Variants in HPSE observed in about 807,000 individuals in gnomAD.
HPSE encodes heparanase.
HPSE carries 48 observed loss-of-function variants against 65.1 expected under a neutral mutation model. The observed-to-expected ratio is 0.74, with a 90% CI of 0.58 to 0.94. The LOEUF (loss-of-function observed/expected upper bound fraction) is 0.94, where lower values mean the gene tolerates loss of function less well. HPSE is among the 40% of genes least tolerant of loss of function. The pLI is 0.00. For missense variants in HPSE, 644 were observed against 637.5 expected (o/e 1.01, Z -0.11); for synonymous variants, 243 against 260.0 (o/e 0.93, Z 0.63).
At position 83,295,250 on chromosome 4, in the gene HPSE, C is replaced by A; in HGVS notation, c.*94G>T. 1 of 1,093,374 alleles carries A rather than the reference C, an allele frequency of 9.1e-7. No homozygotes were observed. The allele number at this position is 1,093,374 out of a possible 1,614,324, so 67.7% of individuals were successfully genotyped here. A position where few individuals can be genotyped will look rare whatever the true frequency, so the allele number is the denominator to read the frequency against. On this transcript the variant is annotated 3_prime_UTR_variant, in exon 12 of 12. Transcript: ENST00000311412. ...GTGTCTCTCAAGCACCCACTAGTTG[C>A]TTTGCAAGGTATCTGCTTCCTTTCC...
intron 3 of HPSE, among the ~76,000 whole-genome samples, chr4:83,316,645 A>G (rs1341472862): frequency 6.6e-6 from 1 of 152,200 alleles, no homozygotes; most frequent in East Asian, 1.9e-4. Flanking sequence ...AAGTACAAAG[A>G]GTTAGCTCAC....
intron 11 of HPSE, among the ~76,000 whole-genome samples, chr4:83,296,139 A>T (rs188773975): frequency 2.4e-4 from 37 of 152,336 alleles, no homozygotes; most frequent in East Asian, 9.6e-4. Flanking sequence ...TCAAATTAAA[A>T]ACTGTTGAAC....
rs766999252 is a variant in HPSE at position 83,309,417 on chromosome 4, C to T, written c.969G>A (p.Val323=). The T allele has an allele frequency of 1.3e-6, 2 of 1,576,578 alleles. No individual in the cohort carries two copies. The highest frequency in any genetic ancestry group is 4.5e-5 in the East Asian group (2 of 44,346). ...AGACTATTACCTGGAAAACTTTTTGCACAGATGAAATAAAAATGTCCAATA... is the reference window on the plus strand; with the variant it reads ...AGACTATTACCTGGAAAACTTTTTGTACAGATGAAATAAAAATGTCCAATA... ...PDVLDIFISS[V]QKVFQVVEST... The change falls in exon 7 of 12, where the codon GTG becomes GTA. Residue 323 remains valine, a synonymous_variant. Transcript: ENST00000311412.
intron 4 of HPSE, 93 bp downstream of exon 4, chr4:83,313,021 C>CAA (rs370866017): frequency 0.014 from 8,916 of 639,200 alleles, 4 homozygotes; most frequent in South Asian, 0.017. Context: ...GACTCTGTCT[C>CAA]AAAAAAAAAA....
At chr4:83,300,889 C>T (rs1578004358) in intron 11 of HPSE, 71 bp downstream of exon 11, 2 of 991,754 alleles carry the variant, frequency 2.0e-6, no homozygotes, top group East Asian at 5.2e-5. Context: ...TGCTCCCTGT[C>T]CAAACTCTCT....
chr4:83,302,375 G>T, intron 9 of HPSE, 107 bp from the exon 10 acceptor site: 13 of 669,748 alleles, frequency 1.9e-5, no homozygotes, highest in African/African-American at 3.7e-5. Flanking sequence ...GAGTATCACT[G>T]TTATCCTGGG....
chr4:83,295,297 C>G lies in HPSE; in HGVS notation c.*47G>C. 1 of 1,523,572 alleles carries G rather than the reference C, an allele frequency of 6.6e-7. No individual in the cohort carries two copies. The highest frequency in any genetic ancestry group is 8.9e-7 in the Non-Finnish European group (1 of 1,121,150). The allele number at this position is 1,523,572 out of a possible 1,614,324, so 94.4% of individuals were successfully genotyped here. A position where few individuals can be genotyped will look rare whatever the true frequency, so the allele number is the denominator to read the frequency against. ...TTCCTATAACTTGAGTTGCTTTACT[C>G]TTAGTATACTTGAAAAATTCAGTGT... On this transcript the variant is annotated 3_prime_UTR_variant, in exon 12 of 12. Transcript: ENST00000311412.
chr4:83,324,999 C>G (rs1009183592), intron 1 of HPSE, among the ~76,000 whole-genome samples: 2 of 152,082 alleles, frequency 1.3e-5, no homozygotes, highest in Non-Finnish European at 2.9e-5. Flanking sequence ...TATTTATATA[C>G]AGGAGAGAAT....
chr4:83,305,587 C>T (rs947832184), intron 9 of HPSE, among the ~76,000 whole-genome samples: 3 of 152,194 alleles, frequency 2.0e-5, no homozygotes, highest in Non-Finnish European at 4.4e-5. Flanking sequence ...GGTCATGCTT[C>T]TCAGGGCTAC....
intron 1 of HPSE, among the ~76,000 whole-genome samples, chr4:83,324,809 A>C (rs536694998): frequency 1.3e-5 from 2 of 152,352 alleles, no homozygotes; most frequent in African/African-American, 4.8e-5. Flanking sequence ...ACAGAGTTTC[A>C]GTTTGGGAAG....
chr4:83,334,475 AAAG>A lies in HPSE; in HGVS notation c.227+78_227+80del, dbSNP rs1160605292. ...TCCGGTGTGAAGTTGTTTCCGCGCAAAAGAAGGAGAGCGGCTGGCGGGGCAGAC... is the reference window on the plus strand; with the variant it reads ...TCCGGTGTGAAGTTGTTTCCGCGCAAAAGGAGAGCGGCTGGCGGGGCAGAC... On this transcript the variant is annotated intron_variant, in intron 1 of 11. Transcript: ENST00000311412. 66 of 1,439,428 alleles carry A rather than the reference AAAG, an allele frequency of 4.6e-5. No individual in the cohort carries two copies. In the Admixed American group the frequency reaches 1.1e-3, roughly 24 times the overall value. 89.2% of individuals were successfully genotyped at this position (1,439,428 alleles called of 1,614,324 possible).
chr4:83,316,187 C>A (rs1268961259), intron 3 of HPSE, among the ~76,000 whole-genome samples: 2 of 151,886 alleles, frequency 1.3e-5, no homozygotes, highest in Admixed American at 6.6e-5. Context: ...CCACCAAGCC[C>A]GGCTAGTTTT....
intron 8 of HPSE, among the ~76,000 whole-genome samples, 187 bp from the exon 9 acceptor site, chr4:83,306,504 C>T (rs943755294): frequency 2.6e-5 from 4 of 152,196 alleles, no homozygotes; most frequent in Non-Finnish European, 4.4e-5. Flanking sequence ...CAACCTCAAA[C>T]TCCTGGGCTC....
Position 83,334,707 on chromosome 4 carries a change from G to A in HPSE, c.76C>T (p.Pro26Ser). ...TGCGCAGGTCGGGGCAGGGCGCCAG[G>A]GGAGAGGGGACCCAGCGGCCCCAGG... Reference protein sequence around the residue: ...LLLGPLGPLSPGALPRPAQAQ... With the variant: ...LLLGPLGPLSSGALPRPAQAQ... Residue 26 changes from proline to serine, a missense_variant, in exon 1 of 12, where the codon CCT becomes TCT. By Grantham distance (74) the Pro-to-Ser change is moderately conservative. Transcript: ENST00000311412. 6.4e-7 allele frequency: 1 copy of A among 1,568,276 alleles called. No homozygotes were observed.
chr4:83,305,184 C>T (rs1403312489), intron 9 of HPSE, among the ~76,000 whole-genome samples: 1 of 152,108 alleles, frequency 6.6e-6, no homozygotes, highest in African/African-American at 2.4e-5. Flanking sequence ...GTTCGTAAGG[C>T]AAAGGTTTAT....
intron 9 of HPSE, among the ~76,000 whole-genome samples, chr4:83,302,610 C>T (rs1013287608): frequency 6.6e-6 from 1 of 152,208 alleles, no homozygotes; most frequent in Non-Finnish European, 1.5e-5. Context: ...TTTAGACACA[C>T]ACACATACAC....
chr4:83,315,345 C>T (rs1322278361), intron 3 of HPSE, among the ~76,000 whole-genome samples: 5 of 152,142 alleles, frequency 3.3e-5, no homozygotes, highest in Non-Finnish European at 2.9e-5. Flanking sequence ...ACCCAGCATT[C>T]TACTGGATCT....
At position 83,311,739 on chromosome 4, in the gene HPSE, G is replaced by A. The variant is rs899488485; in HGVS notation, c.674-849C>T. ...GGAGGTTACATTGAGCTATGAACAC[G>A]CCACTGCACTCCAGCCTGGGTAACA... On this transcript the variant is annotated intron_variant, in intron 4 of 11. Coordinates refer to ENST00000311412, the MANE Select transcript of HPSE (RefSeq NM_001098540.3). Among the ~76,000 whole-genome samples, 3 of 140,580 alleles carry A rather than the reference G, an allele frequency of 2.1e-5. No homozygotes were observed. In the East Asian group the frequency reaches 6.3e-4, roughly 29 times the overall value. 92.2% of individuals were successfully genotyped at this position (140,580 alleles called of 152,430 possible).
At position 83,310,803 on chromosome 4, in the gene HPSE, C is replaced by G; in HGVS notation, c.761G>C (p.Arg254Thr). 3 of 1,614,076 alleles carry G rather than the reference C, an allele frequency of 1.9e-6. No individual in the cohort carries two copies. The highest frequency in any genetic ancestry group is 2.7e-5 in the African/African-American group (2 of 75,042). ...EDFIQLHKLL[R>T]KSTFKNAKLY... is the part of the protein sequence containing the mutation. The stretch of plus-strand genomic sequence containing the variant: ...TTTTGCATTTTTGAAGGTGGACTTT[C>G]TTAGAAGTTTATGCAATTGAATAAA... Residue 254 changes from arginine (R) to threonine (T), a missense_variant, in exon 5 of 12, where the codon AGA (arginine) becomes ACA (threonine). Transcript: ENST00000311412.
Sources: allele counts gnomAD v4.1 joint callset (sites outside exome capture counted in the v4.1 genomes callset), GRCh38; gene constraint gnomAD v4.1.1; transcripts MANE v1.5; gene names NCBI Gene and HGNC (gene_info 2026-07-23, HGNC 2026-07-21).